NR1I2: variants seen among roughly 807,000 people sequenced by gnomAD.
NR1I2 encodes orphan nuclear receptor PAR1.
Under a neutral mutation model 43.3 loss-of-function variants are expected in NR1I2, and 42 were observed. That is an observed-to-expected ratio of 0.97 (90% confidence interval 0.76 to 1.26). The LOEUF is 1.26. Among genes scored for constraint, NR1I2 ranks in the 50% most tolerant of loss-of-function variants. The probability of loss-of-function intolerance (pLI) is 0.00; values close to 1 mark genes in which losing one functional copy is unlikely to be tolerated. For synonymous variants in NR1I2, 229 were observed against 215.0 expected, an observed-to-expected ratio of 1.06 and a Z score of -0.57; for missense variants, 559 against 566.7, an observed-to-expected ratio of 0.99 and a Z score of 0.14.
At chr3:119,794,951 A>C (rs1190600835) in intron 1 of NR1I2, among the ~76,000 whole-genome samples, 1 of 152,166 alleles carries the variant, frequency 6.6e-6, no homozygotes, top group Non-Finnish European at 1.5e-5. Context: ...AAATAAGTAA[A>C]TTAAATTAAA....
chr3:119,786,705 G>C (rs564114688), intron 1 of NR1I2, among the ~76,000 whole-genome samples: 5 of 152,274 alleles, frequency 3.3e-5, no homozygotes, highest in African/African-American at 1.2e-4. Context: ...TCTTGGATCT[G>C]ATGACCAAGT....
At chr3:119,814,497 G>A (rs1228856507) in intron 5 of NR1I2, among the ~76,000 whole-genome samples, 2 of 152,212 alleles carry the variant, frequency 1.3e-5, no homozygotes, top group Non-Finnish European at 2.9e-5. Context: ...AGGCCAAAAG[G>A]GCGGCACTTT....
Position 119,817,279 on chromosome 3 carries a change from G to C in NR1I2, c.*67G>C. 1 of 1,607,208 alleles carries C rather than the reference G, an allele frequency of 6.2e-7. No individual in the cohort carries two copies. Among genetic ancestry groups the C allele is most frequent in the Non-Finnish European group, 8.5e-7 (1 of 1,179,422 alleles). ...CAGAGCCCTCTGAGCCGCCACTCCC[G>C]GGCCAAGACAGATGGACACTGCCAA... On this transcript the variant is annotated 3_prime_UTR_variant, in exon 9 of 9. Transcript: ENST00000393716.
intron 1 of NR1I2, among the ~76,000 whole-genome samples, chr3:119,795,397 C>G (rs1006526936): frequency 1.3e-5 from 2 of 152,174 alleles, no homozygotes; most frequent in African/African-American, 4.8e-5. Context: ...AGCCAGTCAG[C>G]CCTGCCTCCC....
chr3:119,789,704 C>A (rs891201230), intron 1 of NR1I2, among the ~76,000 whole-genome samples: 2 of 152,050 alleles, frequency 1.3e-5, no homozygotes, highest in Non-Finnish European at 2.9e-5. Flanking sequence ...TCTGTTTCCT[C>A]GGGGCCCTTC....
At chr3:119,815,944 AG>A (rs2055322932) in intron 8 of NR1I2, 113 bp downstream of exon 8, 1 of 839,778 alleles carries the variant, frequency 1.2e-6, no homozygotes, top group East Asian at 2.6e-5. Context: ...AGCCCCAGCC[AG>A]ACCAGGTCCA....
chr3:119,787,993 G>C (rs1487075895), intron 1 of NR1I2, among the ~76,000 whole-genome samples: 3 of 151,960 alleles, frequency 2.0e-5, no homozygotes, highest in Non-Finnish European at 4.4e-5. Flanking sequence ...TCAGTGACCT[G>C]GTTCCAAAGC....
intron 4 of NR1I2, among the ~76,000 whole-genome samples, chr3:119,812,056 C>A (rs1339232246): frequency 6.6e-6 from 1 of 152,180 alleles, no homozygotes. Flanking sequence ...CTGCTCTCTC[C>A]TTTAAGGCAG....
At chr3:119,811,208 G>T in intron 3 of NR1I2, 1 of 250,794 alleles carries the variant, frequency 4.0e-6, no homozygotes, top group Non-Finnish European at 7.7e-6. Context: ...GTTGCTTGGG[G>T]TCACAGGTAG....
chr3:119,795,064 A>C (rs2054978642), intron 1 of NR1I2, among the ~76,000 whole-genome samples: 1 of 152,164 alleles, frequency 6.6e-6, no homozygotes, highest in African/African-American at 2.4e-5. Context: ...ACTAACCTGA[A>C]CACCAGATGA....
At chr3:119,810,491 C>A in intron 3 of NR1I2, 1 of 469,450 alleles carries the variant, frequency 2.1e-6, no homozygotes, top group Non-Finnish European at 3.8e-6. Flanking sequence ...CTTTTTGTCC[C>A]CTTCATAATT....
intron 1 of NR1I2, among the ~76,000 whole-genome samples, chr3:119,802,504 C>T (rs995603725): frequency 6.6e-6 from 1 of 152,176 alleles, no homozygotes; most frequent in African/African-American, 2.4e-5. Context: ...AAAGCAGCAT[C>T]TCACCATCTT....
chr3:119,797,763 T>C (rs139736747), intron 1 of NR1I2, among the ~76,000 whole-genome samples: 270 of 152,354 alleles, frequency 1.8e-3, no homozygotes, highest in African/African-American at 6.4e-3. Flanking sequence ...TTTGCCAGGA[T>C]AACTTTCTTT....
chr3:119,809,800 C>G (rs1406259110), intron 2 of NR1I2, among the ~76,000 whole-genome samples: 1 of 152,122 alleles, frequency 6.6e-6, no homozygotes, highest in Non-Finnish European at 1.5e-5. Flanking sequence ...CCCGCGCCAG[C>G]GAAAAGCACG....
chr3:119,816,997 C>T, intron 8 of NR1I2, 71 bp from the exon 9 acceptor site: 3 of 1,600,560 alleles, frequency 1.9e-6, no homozygotes, highest in Non-Finnish European at 2.6e-6. Context: ...CTTGTGCAGC[C>T]TCAGAGCAGC....
chr3:119,785,985 C>T (rs919169167), intron 1 of NR1I2, among the ~76,000 whole-genome samples: 1 of 152,144 alleles, frequency 6.6e-6, no homozygotes, highest in Non-Finnish European at 1.5e-5. Flanking sequence ...TCTTGGTTAA[C>T]CAAGAATTTT....
chr3:119,807,241 A>G lies in NR1I2; in HGVS notation c.-10A>G, dbSNP rs2055173808. 1 of 1,614,162 alleles carries G rather than the reference A, an allele frequency of 6.2e-7. No individual in the cohort carries two copies. ...TTCTCATTTCTAGTCCAAGAGGCCC[A>G]GAAGCAAACCTGGAGGTGAGACCCA... On this transcript the variant is annotated 5_prime_UTR_variant, in exon 2 of 9. Transcript: ENST00000393716.
chr3:119,812,818 G>GA lies in NR1I2; in HGVS notation c.653dup (p.Asp219GlyfsTer27). On this transcript the variant is annotated frameshift_variant, in exon 5 of 9. Transcript: ENST00000393716. LOFTEE classifies it high-confidence loss of function. Reference sequence around the variant, plus strand: ...GAAGGTCTCTCTGCAGCTGCGGGGGGAGGATGGCAGTGTCTGGAACTACAA... The same window carrying GA: ...GAAGGTCTCTCTGCAGCTGCGGGGGGAAGGATGGCAGTGTCTGGAACTACAA... The GA allele has an allele frequency of 6.2e-7, 1 of 1,614,242 alleles. No homozygotes were observed. The highest frequency in any genetic ancestry group is 2.2e-5 in the East Asian group (1 of 44,890).
chr3:119,807,506 C>T, intron 2 of NR1I2, 59 bp downstream of exon 2: 7 of 1,438,602 alleles, frequency 4.9e-6, no homozygotes, highest in Non-Finnish European at 6.8e-6. Flanking sequence ...GGTAACGTCT[C>T]AGGGCCTCAG....
Sources: gnomAD v4.1 joint callset for allele counts (sites outside exome capture counted in the v4.1 genomes callset) on GRCh38, gnomAD v4.1.1 for gene constraint, MANE v1.5 for transcripts, NCBI Gene and HGNC (gene_info 2026-07-23, HGNC 2026-07-21) for gene names.